Variants in ATP11B observed in about 807,000 individuals in gnomAD.
ATP11B encodes the protein ATPase phospholipid transporting 11B (putative), also known as phospholipid-transporting ATPase IF.
ATP11B carries 81 observed loss-of-function variants against 157.8 expected under a neutral mutation model. The observed-to-expected ratio is 0.51, with a 90% CI of 0.43 to 0.62. The LOEUF (loss-of-function observed/expected upper bound fraction) is 0.62, where lower values mean the gene tolerates loss of function less well. Ranked by LOEUF, ATP11B falls within the 20% of genes least tolerant of loss-of-function variation. ATP11B has a pLI of 0.00. For missense variants in ATP11B, 1,165 were observed against 1,402.2 expected (o/e 0.83, Z 2.70); for synonymous variants, 451 against 469.4 (o/e 0.96, Z 0.51).
chr3:182,906,164 C>G (rs1724335440), intron 28 of ATP11B, among the ~76,000 whole-genome samples: 2 of 152,168 alleles, frequency 1.3e-5, no homozygotes, highest in Non-Finnish European at 2.9e-5. Context: ...ACCTCACATT[C>G]TAAGCTGTGA....
intron 17 of ATP11B, among the ~76,000 whole-genome samples, chr3:182,869,846 G>A (rs1721518159): frequency 6.6e-6 from 1 of 152,188 alleles, no homozygotes; most frequent in African/African-American, 2.4e-5. Context: ...CCACAAAAAT[G>A]GAAAACCCCA....
chr3:182,845,703 A>T (rs1351154759), intron 9 of ATP11B, among the ~76,000 whole-genome samples, 181 bp downstream of exon 9: 1 of 152,054 alleles, frequency 6.6e-6, no homozygotes, highest in Non-Finnish European at 1.5e-5. Context: ...TTTGTTGATG[A>T]TCCCTGTTTT....
chr3:182,885,871 A>T, intron 22 of ATP11B, 80 bp from the exon 23 acceptor site: 1 of 979,952 alleles, frequency 1.0e-6, no homozygotes, highest in Non-Finnish European at 1.5e-6. Flanking sequence ...TGGACACTTT[A>T]ACAGCCATTT....
chr3:182,895,778 T>C (rs1009246654), intron 25 of ATP11B, among the ~76,000 whole-genome samples: 21 of 152,104 alleles, frequency 1.4e-4, no homozygotes, highest in Admixed American at 9.8e-4. Context: ...GTCTGGGCAG[T>C]ATGGCTCGCT....
rs1398030109 is a variant in ATP11B at position 182,872,361 on chromosome 3, G to T, written c.1872G>T (p.Gly624=). Residue 624 remains glycine (G), a synonymous_variant, in exon 18 of 30, where the codon GGG becomes GGT. Transcript: ENST00000323116. ...RIHVDEFALK[G]LRTLCIAYRK... is the part of the protein sequence containing the mutation. ...TTTTTATTTGTTTGTTTTAGAAAGG[G>T]CTAAGAACTCTGTGTATAGCATATA... The T allele has an allele frequency of 5.1e-6, 8 of 1,571,922 alleles. No individual in the cohort carries two copies. The highest frequency in any genetic ancestry group is 6.0e-6 in the Non-Finnish European group (7 of 1,158,608).
chr3:182,904,252 T>C (rs944337446), intron 28 of ATP11B, among the ~76,000 whole-genome samples: 2 of 152,188 alleles, frequency 1.3e-5, no homozygotes, highest in African/African-American at 4.8e-5. Flanking sequence ...TTTTACATAT[T>C]GTGGTCTGTT....
intron 2 of ATP11B, among the ~76,000 whole-genome samples, chr3:182,825,016 T>C (rs912237336): frequency 5.3e-5 from 8 of 152,258 alleles, no homozygotes; most frequent in African/African-American, 1.9e-4. Flanking sequence ...TTCCTGAGCA[T>C]AAATGAAGCC....
intron 28 of ATP11B, among the ~76,000 whole-genome samples, chr3:182,910,036 C>G (rs1724660929): frequency 6.9e-6 from 1 of 144,388 alleles, no homozygotes; most frequent in African/African-American, 2.6e-5. Context: ...TGCACTCCAG[C>G]CTCCAGCCTG....
At chr3:182,881,061 G>A (rs1381044384) in intron 21 of ATP11B, 80 bp downstream of exon 21, 1 of 1,030,740 alleles carries the variant, frequency 9.7e-7, no homozygotes, top group Non-Finnish European at 1.4e-6. Flanking sequence ...TTTTCTTTTT[G>A]TAGATTAAAG....
chr3:182,799,091 T>C (rs1715811261), intron 1 of ATP11B, among the ~76,000 whole-genome samples: 1 of 152,224 alleles, frequency 6.6e-6, no homozygotes, highest in South Asian at 2.1e-4. Context: ...TCTGTGAGTT[T>C]TCTATTTTCA....
At chr3:182,866,928 T>C (rs34246458) in intron 14 of ATP11B, among the ~76,000 whole-genome samples, 76,589 of 145,874 alleles carry the variant, frequency 0.53, 22,800 homozygotes, top group Non-Finnish European at 0.67. Flanking sequence ...AAAATATATA[T>C]ATATTTTTTT....
intron 11 of ATP11B, 89 bp downstream of exon 11, chr3:182,858,117 C>A: frequency 8.5e-7 from 1 of 1,169,726 alleles, no homozygotes; most frequent in Non-Finnish European, 1.2e-6. Flanking sequence ...TTGGAGAGAC[C>A]ACTGTAATCC....
At chr3:182,892,341 G>A (rs1723234990) in intron 25 of ATP11B, among the ~76,000 whole-genome samples, 1 of 152,192 alleles carries the variant, frequency 6.6e-6, no homozygotes, top group Non-Finnish European at 1.5e-5. Context: ...TTAGCACTGA[G>A]TTTGTTGAAT....
chr3:182,910,574 C>CT (rs1199261458), intron 28 of ATP11B, among the ~76,000 whole-genome samples: 1 of 152,104 alleles, frequency 6.6e-6, no homozygotes, highest in Non-Finnish European at 1.5e-5. Flanking sequence ...GACCCTGTCT[C>CT]TAAAAATAAT....
At chr3:182,816,012 C>T (rs931801858) in intron 1 of ATP11B, among the ~76,000 whole-genome samples, 3 of 152,100 alleles carry the variant, frequency 2.0e-5, no homozygotes, top group African/African-American at 7.2e-5. Context: ...AGAGGAGTCC[C>T]GTTCAAATCA....
intron 2 of ATP11B, among the ~76,000 whole-genome samples, chr3:182,827,606 C>T (rs965726844): frequency 1.1e-4 from 16 of 151,628 alleles, no homozygotes; most frequent in Admixed American, 3.3e-4. Flanking sequence ...GTGGTTATCG[C>T]GGCGATCACT....
chr3:182,856,537 G>A (rs1488612696), intron 10 of ATP11B, among the ~76,000 whole-genome samples: 1 of 152,172 alleles, frequency 6.6e-6, no homozygotes, highest in East Asian at 1.9e-4. Flanking sequence ...AGATTTGAAT[G>A]TCATATCCCT....
At chr3:182,861,042 G>A (rs1270413794) in intron 12 of ATP11B, among the ~76,000 whole-genome samples, 1 of 151,148 alleles carries the variant, frequency 6.6e-6, no homozygotes, top group African/African-American at 2.4e-5. Context: ...TGGGATTAGG[G>A]GTACAACACA....
At chr3:182,889,265 A>T in intron 24 of ATP11B, 145 bp from the exon 25 acceptor site, 1 of 589,452 alleles carries the variant, frequency 1.7e-6, no homozygotes, top group Non-Finnish European at 2.7e-6. Context: ...ATAAATTTGG[A>T]TTTATTTATT....
Sources: allele counts gnomAD v4.1 joint callset (sites outside exome capture counted in the v4.1 genomes callset), GRCh38; gene constraint gnomAD v4.1.1; transcripts MANE v1.5; gene names NCBI Gene and HGNC (gene_info 2026-07-23, HGNC 2026-07-21).